The following UNC13B variants were observed in gnomAD, a reference collection of about 807,000 sequenced individuals.
UNC13B encodes unc-13 homolog B.
A neutral mutation model predicts 211.0 loss-of-function variants in UNC13B; 144 were observed. The ratio of observed to expected loss-of-function variants is 0.68; its 90% CI spans 0.60 to 0.78. The LOEUF (loss-of-function observed/expected upper bound fraction) is 0.78. UNC13B is among the 30% of genes least tolerant of loss of function. UNC13B has a pLI of 0.00. For synonymous variants in UNC13B, 709 were observed against 725.8 expected (o/e 0.98, Z 0.37); for missense variants, 1,777 against 2,002.0 (o/e 0.89, Z 2.14).
intron 16 of UNC13B, among the ~76,000 whole-genome samples, chr9:35,378,026 G>A (rs1024714929): frequency 6.6e-6 from 1 of 152,130 alleles, no homozygotes; most frequent in Admixed American, 6.5e-5. Flanking sequence ...CCAGTGGTTT[G>A]CTAACTGGGT....
At chr9:35,174,189 A>G (rs921570844) in intron 1 of UNC13B, among the ~76,000 whole-genome samples, 1 of 151,464 alleles carries the variant, frequency 6.6e-6, no homozygotes, top group African/African-American at 2.4e-5. Flanking sequence ...AGATAGTCTC[A>G]CTCTGTTTCC....
In UNC13B at chr9:35,305,927, G is replaced by A. The variant is rs1344963333; in HGVS notation, c.6523G>A (p.Ala2175Thr). The change falls in exon 9 of 40, where the codon GCC becomes ACC. Residue 2175 changes from alanine to threonine, a missense_variant. By Grantham distance (58) the Ala-to-Thr change is moderately conservative. Coordinates refer to ENST00000635942, the MANE Select transcript of UNC13B (RefSeq NM_001371189.2). The stretch of plus-strand genomic sequence containing the variant: ...TGGATCTGAAAAATCTGAGAACAGA[G>A]CCTCTGCTACTCTACCAAGAGCCAA... ...LTGSEKSENR[A>T]SATLPRAKSQ... is the part of the protein sequence containing the mutation. The A allele has an allele frequency of 7.5e-6, 3 of 398,822 alleles. No homozygotes were observed. The highest frequency in any genetic ancestry group is 8.8e-6 in the Non-Finnish European group (2 of 226,050). 24.7% of individuals were successfully genotyped at this position (398,822 alleles called of 1,614,324 possible).
chr9:35,186,734 T>C (rs1332573392), intron 1 of UNC13B, among the ~76,000 whole-genome samples: 2 of 152,128 alleles, frequency 1.3e-5, no homozygotes, highest in Non-Finnish European at 2.9e-5. Flanking sequence ...GATGTTTACA[T>C]AGCACATGGG....
At position 35,231,264 on chromosome 9, in the gene UNC13B, T is replaced by C. The variant is rs767814990; in HGVS notation, c.152+45T>C. The C allele has an allele frequency of 5.4e-6, 7 of 1,291,910 alleles. No homozygotes were observed. The East Asian group carries it at 1.6e-4, about 30-fold the overall frequency. 80.0% of individuals were successfully genotyped at this position (1,291,910 alleles called of 1,614,324 possible). A position where few individuals can be genotyped will look rare whatever the true frequency, so the allele number is the denominator to read the frequency against. ...AGTGTGCCTACATATTTTATAATCT[T>C]TTTAAGGGAATTGCATTGGATGAAA... On this transcript the variant is annotated intron_variant, in intron 3 of 39. Coordinates refer to ENST00000635942, the MANE Select transcript of UNC13B (RefSeq NM_001371189.2).
At chr9:35,293,395 T>A (rs1166072650) in intron 7 of UNC13B, among the ~76,000 whole-genome samples, 1 of 152,218 alleles carries the variant, frequency 6.6e-6, no homozygotes, top group Non-Finnish European at 1.5e-5. Context: ...CTGCCCTCTC[T>A]GGCCTCAAAA....
intron 39 of UNC13B, 58 bp downstream of exon 39, chr9:35,403,657 G>T: frequency 6.8e-7 from 1 of 1,467,710 alleles, no homozygotes; most frequent in East Asian, 2.5e-5. Context: ...TGAGGGGTGG[G>T]GGGAGAGGAG....
At chr9:35,296,672 C>T (rs936054124) in intron 8 of UNC13B, among the ~76,000 whole-genome samples, 2 of 152,114 alleles carry the variant, frequency 1.3e-5, no homozygotes, top group African/African-American at 4.8e-5. Context: ...ATTCATGTTG[C>T]CTAGATTTAC....
At chr9:35,297,182 C>T (rs1283545190) in intron 8 of UNC13B, among the ~76,000 whole-genome samples, 3 of 151,142 alleles carry the variant, frequency 2.0e-5, no homozygotes, top group Non-Finnish European at 4.4e-5. Flanking sequence ...TCAGCATCCC[C>T]GGTTCAAGTG....
chr9:35,341,865 C>T (rs961068959), intron 11 of UNC13B: 2 of 936,452 alleles, frequency 2.1e-6, no homozygotes, highest in Non-Finnish European at 2.5e-6. Context: ...GGAGCAGCAG[C>T]AGGAGCAGGA....
chr9:35,399,972 A>G (rs1371130133), intron 36 of UNC13B, among the ~76,000 whole-genome samples: 1 of 152,216 alleles, frequency 6.6e-6, no homozygotes, highest in African/African-American at 2.4e-5. Flanking sequence ...GAGGTATGTC[A>G]TAGGTCTCAA....
chr9:35,293,884 A>G (rs909954299), intron 7 of UNC13B, among the ~76,000 whole-genome samples: 1 of 151,994 alleles, frequency 6.6e-6, no homozygotes, highest in Non-Finnish European at 1.5e-5. Context: ...TCATGTTGAT[A>G]TTTTTCCTCC....
In UNC13B at chr9:35,378,310, G is replaced by T. The variant is rs1564180112; in HGVS notation, c.10079G>T (p.Gly3360Val). Residue 3360 changes from glycine to valine, a missense_variant, in exon 17 of 40, where the codon GGC becomes GTC. Coordinates refer to ENST00000635942, the MANE Select transcript of UNC13B (RefSeq NM_001371189.2). Reference sequence around the variant, plus strand: ...TGGGTTGCAGTGGTGTGTGCCCAGGGCCTACAAGCCAAGGACAAAACAGGA... The same window carrying T: ...TGGGTTGCAGTGGTGTGTGCCCAGGTCCTACAAGCCAAGGACAAAACAGGA... Reference protein sequence around the residue: ...KITITVVCAQGLQAKDKTGSS... With the variant: ...KITITVVCAQVLQAKDKTGSS... 1.2e-6 allele frequency: 2 copies of T among 1,614,138 alleles called. No homozygotes were observed. Among genetic ancestry groups the T allele is most frequent in the Admixed American group, 1.7e-5 (1 of 60,016 alleles).
At chr9:35,363,408 G>C (rs868039719) in intron 11 of UNC13B, among the ~76,000 whole-genome samples, 6 of 152,268 alleles carry the variant, frequency 3.9e-5, no homozygotes, top group Admixed American at 2.0e-4. Context: ...ATCCTGGGGG[G>C]GTTGAGATGT....
intron 11 of UNC13B, among the ~76,000 whole-genome samples, chr9:35,324,883 A>G (rs1453807906): frequency 6.6e-6 from 1 of 152,098 alleles, no homozygotes; most frequent in Non-Finnish European, 1.5e-5. Flanking sequence ...CAGACCCTAA[A>G]CCCATATTTC....
At chr9:35,394,082 G>A (rs776867670) in intron 26 of UNC13B, among the ~76,000 whole-genome samples, 12 of 152,174 alleles carry the variant, frequency 7.9e-5, no homozygotes, top group Non-Finnish European at 1.6e-4. Flanking sequence ...AGCGTGGCTA[G>A]AAGGAATGGA....
chr9:35,219,129 G>A (rs1220358544), intron 1 of UNC13B, among the ~76,000 whole-genome samples: 1 of 152,142 alleles, frequency 6.6e-6, no homozygotes, highest in Non-Finnish European at 1.5e-5. Context: ...TTTTCTTCAT[G>A]GTTAAATTTA....
chr9:35,364,536 T>C (rs1232017151), intron 11 of UNC13B: 11 of 1,535,944 alleles, frequency 7.2e-6, no homozygotes, highest in Non-Finnish European at 5.2e-6. Context: ...GCTCTTTCTC[T>C]CCTTGCAGAA....
At chr9:35,355,265 G>A (rs568925281) in intron 11 of UNC13B, among the ~76,000 whole-genome samples, 5 of 152,100 alleles carry the variant, frequency 3.3e-5, no homozygotes, top group Non-Finnish European at 7.4e-5. Context: ...TGTAAGAAAC[G>A]GATACATTGT....
At chr9:35,376,958 T>C (rs564699694) in intron 15 of UNC13B, among the ~76,000 whole-genome samples, 1 of 152,204 alleles carries the variant, frequency 6.6e-6, no homozygotes, top group South Asian at 2.1e-4. Context: ...GTGAAGGAAG[T>C]GGGAAACTAT....
Sources: gnomAD v4.1 joint callset for allele counts (sites outside exome capture counted in the v4.1 genomes callset) on GRCh38, gnomAD v4.1.1 for gene constraint, MANE v1.5 for transcripts, NCBI Gene and HGNC (gene_info 2026-07-23, HGNC 2026-07-21) for gene names.